Variants in UNC13B observed in about 807,000 individuals in gnomAD.
The protein encoded by UNC13B is unc-13 homolog B.
UNC13B carries 144 observed loss-of-function variants against 211.0 expected under a neutral mutation model. The ratio of observed to expected loss-of-function variants is 0.68; its 90% confidence interval spans 0.60 to 0.78. The LOEUF (loss-of-function observed/expected upper bound fraction) is 0.78. Ranked by LOEUF, UNC13B falls within the 30% of genes least tolerant of loss-of-function variation. The probability of loss-of-function intolerance (pLI) is 0.00; values close to 1 mark genes in which losing one functional copy is unlikely to be tolerated. For missense variants in UNC13B, 1,777 were observed against 2,002.0 expected (o/e 0.89, Z 2.14); for synonymous variants, 709 against 725.8 (o/e 0.98, Z 0.37).
chr9:35,367,870 C>G (rs1018305797), intron 12 of UNC13B, among the ~76,000 whole-genome samples: 22 of 152,136 alleles, frequency 1.4e-4, no homozygotes, highest in Admixed American at 4.6e-4. Context: ...CTTCTCATTC[C>G]CCACTCCTTC....
At position 35,329,524 on chromosome 9, in the gene UNC13B, G is replaced by A. The variant is rs577131372; in HGVS notation, c.9414+15535G>A. The stretch of plus-strand genomic sequence containing the variant: ...TTTTTTTGAGATAGGGTCTCACTCT[G>A]TTGCCCAGGCTGGAGTGCAGTGGTG... On this transcript the variant is annotated intron_variant, in intron 11 of 39. Transcript: ENST00000635942. 2.7e-5 allele frequency among the ~76,000 whole-genome samples: 4 copies of A among 150,388 alleles called. No individual in the cohort carries two copies. The East Asian group carries it at 7.8e-4, about 29-fold the overall frequency.
Position 35,301,084 on chromosome 9 carries a change from G to T in UNC13B, c.1680G>T (p.Lys560Asn). The T allele has an allele frequency of 2.5e-6, 1 of 398,892 alleles. No individual in the cohort carries two copies. The highest frequency in any genetic ancestry group is 4.4e-6 in the Non-Finnish European group (1 of 225,962). 24.7% of individuals were successfully genotyped at this position (398,892 alleles called of 1,614,324 possible). A position where few individuals can be genotyped will look rare whatever the true frequency, so the allele number is the denominator to read the frequency against. ...AGCATCTAACAAACTCTGTGGAAAA[G>T]TTGGTTTCCTTAGTTCCAGAAAAAA... Reference protein sequence around the residue: ...GTKHLTNSVEKLVSLVPEKTE... With the variant: ...GTKHLTNSVENLVSLVPEKTE... Residue 560 changes from lysine to asparagine, a missense_variant, in exon 9 of 40, where the codon AAG (lysine) becomes AAT (asparagine). Transcript: ENST00000635942.
intron 7 of UNC13B, among the ~76,000 whole-genome samples, chr9:35,265,421 T>C (rs906010281): frequency 7.9e-5 from 12 of 152,222 alleles, no homozygotes; most frequent in African/African-American, 2.7e-4. Context: ...TATGGGAACA[T>C]TGACCTTGGG....
At chr9:35,249,495 G>A (rs1826326305) in intron 6 of UNC13B, among the ~76,000 whole-genome samples, 2 of 152,136 alleles carry the variant, frequency 1.3e-5, no homozygotes, top group Admixed American at 6.5e-5. Flanking sequence ...GGCTGGTACC[G>A]GTTGTTCCTT....
intron 26 of UNC13B, 104 bp from the exon 27 acceptor site, chr9:35,396,372 A>G: frequency 6.8e-7 from 1 of 1,463,718 alleles, no homozygotes; most frequent in Non-Finnish European, 9.4e-7. Flanking sequence ...CCTTGTCCTA[A>G]GACATCTGAT....
At chr9:35,352,809 C>T (rs1355019054) in intron 11 of UNC13B, 2 of 1,232,074 alleles carry the variant, frequency 1.6e-6, no homozygotes, top group African/African-American at 3.1e-5. Context: ...TTTGAGGAAC[C>T]TGCCCTAGTA....
intron 11 of UNC13B, among the ~76,000 whole-genome samples, chr9:35,344,545 G>A (rs1194455251): frequency 6.6e-6 from 1 of 152,048 alleles, no homozygotes; most frequent in East Asian, 1.9e-4. Context: ...CTAGGCACTG[G>A]AAATTCAGAA....
chr9:35,351,567 T>C, intron 11 of UNC13B: 1 of 1,232,282 alleles, frequency 8.1e-7, no homozygotes, highest in East Asian at 3.2e-5. Flanking sequence ...GAAATCATGG[T>C]TACCTTGGGA....
At chr9:35,399,620 G>A (rs760985532) in intron 35 of UNC13B, 29 bp from the exon 36 acceptor site, 13 of 1,613,372 alleles carry the variant, frequency 8.1e-6, no homozygotes, top group Middle Eastern at 1.6e-4. Flanking sequence ...GCTGTGAGCT[G>A]TCCTGATGCT....
intron 26 of UNC13B, among the ~76,000 whole-genome samples, chr9:35,393,402 C>CCT (rs1835665409): frequency 6.6e-6 from 1 of 151,860 alleles, no homozygotes; most frequent in African/African-American, 2.4e-5. Flanking sequence ...ATGTCCAAGA[C>CCT]CTGGGGTCTA....
chr9:35,398,764 G>A, intron 32 of UNC13B, 118 bp from the exon 33 acceptor site: 2 of 1,561,486 alleles, frequency 1.3e-6, no homozygotes, highest in East Asian at 2.3e-5. Context: ...TACTCCTGCT[G>A]ACTGTCCCTG....
At chr9:35,270,941 C>A (rs1022436564) in intron 7 of UNC13B, among the ~76,000 whole-genome samples, 1 of 152,098 alleles carries the variant, frequency 6.6e-6, no homozygotes, top group Non-Finnish European at 1.5e-5. Context: ...GAGATCGAGA[C>A]CATCCTGGCC....
At chr9:35,255,230 A>G (rs1826806319) in intron 6 of UNC13B, among the ~76,000 whole-genome samples, 2 of 149,884 alleles carry the variant, frequency 1.3e-5, no homozygotes, top group Admixed American at 6.8e-5. Context: ...GGGCCTGTTT[A>G]CGCATATATT....
At chr9:35,377,813 T>C (rs1187379550) in intron 16 of UNC13B, 118 bp downstream of exon 16, 1 of 1,112,002 alleles carries the variant, frequency 9.0e-7, no homozygotes, top group Non-Finnish European at 1.3e-6. Flanking sequence ...AGGAAATCAC[T>C]GGGAAGGAAA....
At chr9:35,330,087 T>C (rs1024225185) in intron 11 of UNC13B, among the ~76,000 whole-genome samples, 4 of 152,234 alleles carry the variant, frequency 2.6e-5, no homozygotes, top group African/African-American at 9.6e-5. Context: ...TAGCTCACCC[T>C]TAAAATCTGA....
chr9:35,251,110 C>T (rs938934413), intron 6 of UNC13B, among the ~76,000 whole-genome samples: 1 of 151,814 alleles, frequency 6.6e-6, no homozygotes, highest in Admixed American at 6.6e-5. Flanking sequence ...CTACTGGCAC[C>T]CGCCACCGCA....
intron 7 of UNC13B, among the ~76,000 whole-genome samples, chr9:35,289,952 G>T (rs1052360902): frequency 1.3e-5 from 2 of 151,906 alleles, no homozygotes; most frequent in African/African-American, 4.8e-5. Flanking sequence ...CTCCAACCTG[G>T]GTGACAGAGT....
chr9:35,243,937 T>G (rs534988178), intron 6 of UNC13B, among the ~76,000 whole-genome samples: 1 of 152,218 alleles, frequency 6.6e-6, no homozygotes, highest in East Asian at 1.9e-4. Context: ...AAGATATACT[T>G]TGAGTGCCAG....
At chr9:35,380,254 C>A (rs1022769777) in intron 17 of UNC13B, among the ~76,000 whole-genome samples, 3 of 152,184 alleles carry the variant, frequency 2.0e-5, no homozygotes, top group African/African-American at 7.2e-5. Context: ...ACAATAAGAA[C>A]TGTACAGTGG....
Sources: allele counts gnomAD v4.1 joint callset (sites outside exome capture counted in the v4.1 genomes callset), GRCh38; gene constraint gnomAD v4.1.1; transcripts MANE v1.5; gene names NCBI Gene and HGNC (gene_info 2026-07-23, HGNC 2026-07-21).